Variants in TNFAIP8L3 observed in about 807,000 individuals in gnomAD.
TNFAIP8L3 encodes the protein tumor necrosis factor alpha-induced protein 8-like protein 3.
A neutral mutation model predicts 11.8 loss-of-function variants in TNFAIP8L3; 7 were observed. The observed-to-expected ratio is 0.59, with a 90% CI of 0.34 to 1.11. The LOEUF is 1.11. Among genes scored for constraint, TNFAIP8L3 ranks in the 50% most tolerant of loss-of-function variants. The pLI is 0.03. For synonymous variants in TNFAIP8L3, 98 were observed against 103.8 expected (o/e 0.94, Z 0.34); for missense variants, 219 against 258.6 (o/e 0.85, Z 1.05).
chr15:51,095,322 G>GT (rs1251795981), upstream of TNFAIP8L3, among the ~76,000 whole-genome samples: 1 of 152,132 alleles, frequency 6.6e-6, no homozygotes, highest in Non-Finnish European at 1.5e-5. Flanking sequence ...GTTGTGGAAA[G>GT]TAGTAAGACA....
chr15:51,102,982 C>G (rs943621326), intron 1 of TNFAIP8L3, among the ~76,000 whole-genome samples: 1 of 152,078 alleles, frequency 6.6e-6, no homozygotes, highest in Non-Finnish European at 1.5e-5. Context: ...CAAAGACTCT[C>G]TCCCCTCTCC....
At chr15:51,091,881 T>TACA (rs1471828463) in intron 1 of TNFAIP8L3, among the ~76,000 whole-genome samples, 1 of 152,242 alleles carries the variant, frequency 6.6e-6, no homozygotes, top group African/African-American at 2.4e-5. Flanking sequence ...GCAGTATTCT[T>TACA]ACAACAAATA....
intron 1 of TNFAIP8L3, among the ~76,000 whole-genome samples, chr15:51,080,222 G>A (rs2065381872): frequency 6.6e-6 from 1 of 152,188 alleles, no homozygotes. Context: ...GCCAAGTCAT[G>A]TAGTGTCCTA....
chr15:51,101,415 A>G (rs1373433846), intron 1 of TNFAIP8L3, among the ~76,000 whole-genome samples: 3 of 152,166 alleles, frequency 2.0e-5, no homozygotes, highest in Non-Finnish European at 4.4e-5. Context: ...TGAGGTCAAG[A>G]GTTCGAGACC....
chr15:51,067,867 C>A (rs1038808632), intron 1 of TNFAIP8L3, among the ~76,000 whole-genome samples: 3 of 152,158 alleles, frequency 2.0e-5, no homozygotes, highest in African/African-American at 4.8e-5. Context: ...ACAGAGTGGA[C>A]AATTATCCTT....
At chr15:51,066,122 C>T (rs28538716) in intron 1 of TNFAIP8L3, among the ~76,000 whole-genome samples, 2,409 of 149,456 alleles carry the variant, frequency 0.016, 70 homozygotes, top group African/African-American at 0.056. Context: ...CTCCTTAAGA[C>T]GGAGCAGGCT....
chr15:51,072,770 CTGTT>C (rs2065319575), intron 1 of TNFAIP8L3, among the ~76,000 whole-genome samples: 1 of 151,904 alleles, frequency 6.6e-6, no homozygotes, highest in South Asian at 2.1e-4. Context: ...GTTTTTTACT[CTGTT>C]TATTAGACTC....
chr15:51,087,309 T>A (rs2065436374), intron 1 of TNFAIP8L3, among the ~76,000 whole-genome samples: 1 of 152,196 alleles, frequency 6.6e-6, no homozygotes, highest in African/African-American at 2.4e-5. Flanking sequence ...AGAGGCCTGC[T>A]GGGCAGATGG....
At chr15:51,064,984 G>A (rs2065261154) in intron 1 of TNFAIP8L3, among the ~76,000 whole-genome samples, 1 of 152,214 alleles carries the variant, frequency 6.6e-6, no homozygotes, top group Non-Finnish European at 1.5e-5. Context: ...CAAGTCCTAG[G>A]AAAGCTCTTT....
chr15:51,093,535 C>T (rs1188285199), intron 1 of TNFAIP8L3, among the ~76,000 whole-genome samples: 1 of 152,190 alleles, frequency 6.6e-6, no homozygotes, highest in African/African-American at 2.4e-5. Flanking sequence ...TACTTGGTCC[C>T]CACCGTCAGT....
At chr15:51,102,467 T>G (rs1436296781) in intron 1 of TNFAIP8L3, among the ~76,000 whole-genome samples, 2 of 152,216 alleles carry the variant, frequency 1.3e-5, no homozygotes, top group African/African-American at 4.8e-5. Context: ...GTTCCTCCCT[T>G]CAAAGCATTT....
chr15:51,090,859 C>T (rs2065462958), intron 1 of TNFAIP8L3, among the ~76,000 whole-genome samples: 1 of 152,158 alleles, frequency 6.6e-6, no homozygotes, highest in Admixed American at 6.5e-5. Context: ...TGCCCTGGAC[C>T]ATCTATTTGT....
intron 1 of TNFAIP8L3, among the ~76,000 whole-genome samples, chr15:51,079,609 T>C (rs950777387): frequency 1.3e-5 from 2 of 152,312 alleles, no homozygotes; most frequent in East Asian, 1.9e-4. Context: ...GGTTGCCACA[T>C]CACTCACCAG....
rs2065500617 is a variant in TNFAIP8L3, at chr15:51,094,847, C to A, written c.-252G>T. 1 of 363,586 alleles carries A rather than the reference C, an allele frequency of 2.8e-6. No homozygotes were observed. The highest frequency in any genetic ancestry group is 6.5e-5 in the Admixed American group (1 of 15,374). The allele number at this position is 363,586 out of a possible 1,614,324, so 22.5% of individuals were successfully genotyped here. On this transcript the variant is annotated 5_prime_UTR_variant, in exon 1 of 2. Coordinates refer to ENST00000637513, the MANE Select transcript of TNFAIP8L3 (RefSeq NM_001311175.2). The surrounding 1 kb of genome is among the most constrained non-coding windows in gnomAD (Gnocchi z 4.4). ...GCGCAGGGCGGAGGGTGGGGCGCTC[C>A]GGGAGACAGCCGGGAGGAGGGAGGG...
intron 1 of TNFAIP8L3, among the ~76,000 whole-genome samples, chr15:51,068,368 C>G (rs2065285313): frequency 6.6e-6 from 1 of 152,132 alleles, no homozygotes; most frequent in Admixed American, 6.5e-5. Context: ...GATAGTGACA[C>G]CAGCCTGTCT....
intron 1 of TNFAIP8L3, among the ~76,000 whole-genome samples, chr15:51,068,200 G>C (rs550586642): frequency 6.6e-6 from 1 of 152,276 alleles, no homozygotes; most frequent in East Asian, 1.9e-4. Flanking sequence ...GATGAGTCAA[G>C]GATGACGATG....
At chr15:51,058,758 A>G (rs1408765136) in intron 1 of TNFAIP8L3, among the ~76,000 whole-genome samples, 2 of 152,194 alleles carry the variant, frequency 1.3e-5, no homozygotes, top group Non-Finnish European at 2.9e-5. Context: ...TCCTGATTCT[A>G]CTAGCTCACA....
intron 1 of TNFAIP8L3, among the ~76,000 whole-genome samples, chr15:51,058,962 C>G (rs1030290707): frequency 2.0e-5 from 3 of 152,198 alleles, no homozygotes; most frequent in Non-Finnish European, 4.4e-5. Flanking sequence ...AAGAGGTATT[C>G]TTTTGCTTTT....
At chr15:51,100,207 C>T (rs148012343) in intron 1 of TNFAIP8L3, among the ~76,000 whole-genome samples, 2 of 152,086 alleles carry the variant, frequency 1.3e-5, no homozygotes, top group African/African-American at 2.4e-5. Context: ...GTCACAGATA[C>T]CATATGTTGT....
Sources: allele counts gnomAD v4.1 joint callset (sites outside exome capture counted in the v4.1 genomes callset), GRCh38; gene constraint gnomAD v4.1.1; non-coding constraint Gnocchi (gnomAD v3.1); transcripts MANE v1.5; gene names NCBI Gene and HGNC (gene_info 2026-07-23, HGNC 2026-07-21).